MSH3: variants seen among roughly 807,000 people sequenced by gnomAD.
The protein encoded by MSH3 is DNA mismatch repair protein Msh3.
In MSH3, 106 loss-of-function variants were observed where a neutral mutation model predicts 123.3. That is an observed-to-expected ratio of 0.86 (90% confidence interval 0.73 to 1.01). The LOEUF (loss-of-function observed/expected upper bound fraction) is 1.01. Among genes scored for constraint, MSH3 ranks in the 50% least tolerant of loss-of-function variants. The pLI, the probability that MSH3 is intolerant of heterozygous loss-of-function variation, is 0.00. For missense variants in MSH3, 1,459 were observed against 1,347.6 expected, an observed-to-expected ratio of 1.08 and a Z score of -1.29; for synonymous variants, 515 against 481.4, an observed-to-expected ratio of 1.07 and a Z score of -0.91.
chr5:80,752,947 A>G (rs1365582290), intron 12 of MSH3, among the ~76,000 whole-genome samples: 2 of 152,208 alleles, frequency 1.3e-5, no homozygotes, highest in African/African-American at 4.8e-5. Context: ...GGGTTCAAAC[A>G]GAAGTGGTGT....
rs1166492002 is a variant in MSH3 at position 80,766,339 on chromosome 5, CTTTTTTTTTTTT to C, written c.1897-1581_1897-1570del. On this transcript the variant is annotated intron_variant, in intron 13 of 23. Transcript: ENST00000265081. ...TCTTCTTTTCTAGTGTGTTTTTTTC[CTTTTTTTTTTTT>C]TTTTTTTTTTTTGAGACGGAATCTT... 2.2e-3 allele frequency among the ~76,000 whole-genome samples: 171 copies of C among 78,254 alleles called. 3 individuals are homozygous for C. The highest frequency in any genetic ancestry group is 9.2e-3 in the African/African-American group (165 of 17,844). The allele number at this position is 78,254 out of a possible 152,430, so 51.3% of individuals were successfully genotyped here.
chr5:80,713,664 A>G (rs917448464), intron 8 of MSH3, among the ~76,000 whole-genome samples: 3 of 152,170 alleles, frequency 2.0e-5, no homozygotes, highest in African/African-American at 7.2e-5. Flanking sequence ...ATGCAGTGGT[A>G]TTTACTGTCC....
chr5:80,757,264 A>C (rs1330870201), intron 12 of MSH3, among the ~76,000 whole-genome samples: 2 of 152,116 alleles, frequency 1.3e-5, no homozygotes, highest in Non-Finnish European at 2.9e-5. Flanking sequence ...GTTATTTTTA[A>C]ATGTACAATA....
intron 8 of MSH3, among the ~76,000 whole-genome samples, chr5:80,692,184 A>G (rs549589227): frequency 7.0e-6 from 1 of 141,962 alleles, no homozygotes; most frequent in Non-Finnish European, 1.6e-5. Flanking sequence ...TTAGATAGAT[A>G]AACATGTATA....
chr5:80,868,664 G>A (rs1197450476), intron 22 of MSH3, among the ~76,000 whole-genome samples: 6 of 146,926 alleles, frequency 4.1e-5, no homozygotes. Context: ...ATAACTAATG[G>A]ATACAAGGCT....
At chr5:80,667,231 T>C (rs1749592406) in intron 3 of MSH3, among the ~76,000 whole-genome samples, 1 of 152,208 alleles carries the variant, frequency 6.6e-6, no homozygotes. Context: ...GTTTTTACAA[T>C]GTAAGAAATA....
chr5:80,737,370 T>C (rs1232566257), intron 10 of MSH3, among the ~76,000 whole-genome samples: 1 of 152,198 alleles, frequency 6.6e-6, no homozygotes. Flanking sequence ...ATGGAGTTGA[T>C]TTCTCTGTCC....
chr5:80,827,604 A>AT (rs1745343016), intron 20 of MSH3, among the ~76,000 whole-genome samples: 1 of 151,932 alleles, frequency 6.6e-6, no homozygotes, highest in Non-Finnish European at 1.5e-5. Flanking sequence ...CTAAATGAGT[A>AT]AGTTGTTATG....
chr5:80,787,543 G>A, intron 17 of MSH3, 22 bp from the exon 18 acceptor site: 1 of 1,532,288 alleles, frequency 6.5e-7, no homozygotes, highest in Non-Finnish European at 9.0e-7. Flanking sequence ...TCACCTTTTT[G>A]TTGTTGCTGC....
At chr5:80,835,085 A>G (rs937332124) in intron 20 of MSH3, among the ~76,000 whole-genome samples, 16 of 152,228 alleles carry the variant, frequency 1.1e-4, no homozygotes, top group African/African-American at 3.9e-4. Context: ...AGAATGTGCC[A>G]TCAGACAAGC....
At chr5:80,675,882 A>G (rs1304775517) in intron 7 of MSH3, among the ~76,000 whole-genome samples, 1 of 152,222 alleles carries the variant, frequency 6.6e-6, no homozygotes, top group East Asian at 1.9e-4. Context: ...GAAATTAAAC[A>G]TGAATGACTA....
chr5:80,790,847 GA>G (rs1000599604), intron 18 of MSH3, among the ~76,000 whole-genome samples: 2 of 152,076 alleles, frequency 1.3e-5, no homozygotes, highest in Non-Finnish European at 2.9e-5. Flanking sequence ...AATGTGAAGA[GA>G]AAAAAACCAG....
chr5:80,724,906 T>C (rs1300930744), intron 8 of MSH3, among the ~76,000 whole-genome samples: 1 of 152,078 alleles, frequency 6.6e-6, no homozygotes, highest in Non-Finnish European at 1.5e-5. Flanking sequence ...CTAGGTGATA[T>C]AAAATAGCAG....
intron 19 of MSH3, among the ~76,000 whole-genome samples, chr5:80,801,963 A>G (rs1316967257): frequency 6.6e-6 from 1 of 152,212 alleles, no homozygotes; most frequent in African/African-American, 2.4e-5. Flanking sequence ...AGGCTCTCAT[A>G]GAAATTGACG....
At chr5:80,761,469 C>T in intron 12 of MSH3, 77 bp from the exon 13 acceptor site, 2 of 1,549,476 alleles carry the variant, frequency 1.3e-6, no homozygotes, top group South Asian at 2.2e-5. Flanking sequence ...TGTCACATTC[C>T]TGGGCATTAG....
At chr5:80,744,707 G>T (rs1743683972) in intron 12 of MSH3, 92 bp downstream of exon 12, 1 of 895,286 alleles carries the variant, frequency 1.1e-6, no homozygotes. Flanking sequence ...TTGTTTTTAA[G>T]AACACAGTTT....
At chr5:80,660,208 CTTAAT>C (rs1749401614) in intron 2 of MSH3, among the ~76,000 whole-genome samples, 1 of 132,410 alleles carries the variant, frequency 7.6e-6, no homozygotes, top group South Asian at 2.4e-4. Flanking sequence ...TTTTTTTTTT[CTTAAT>C]TTAAGTTCTG....
intron 22 of MSH3, among the ~76,000 whole-genome samples, chr5:80,867,825 T>G (rs1424367733): frequency 6.6e-6 from 1 of 152,208 alleles, no homozygotes; most frequent in Non-Finnish European, 1.5e-5. Flanking sequence ...ATATTAGACC[T>G]TTGTCAGATG....
chr5:80,810,271 TC>T (rs1744987007), intron 19 of MSH3, among the ~76,000 whole-genome samples: 1 of 151,106 alleles, frequency 6.6e-6, no homozygotes, highest in Non-Finnish European at 1.5e-5. Flanking sequence ...ATCTTAGTAT[TC>T]TGCATTGTAA....
Sources: gnomAD v4.1 joint callset for allele counts (sites outside exome capture counted in the v4.1 genomes callset) on GRCh38, gnomAD v4.1.1 for gene constraint, MANE v1.5 for transcripts, NCBI Gene and HGNC (gene_info 2026-07-23, HGNC 2026-07-21) for gene names.